The following MEF2C variants were observed in gnomAD, a reference collection of about 807,000 sequenced individuals.
The protein encoded by MEF2C is myocyte enhancer factor 2C.
MEF2C carries 6 observed loss-of-function variants against 50.5 expected under a neutral mutation model. The ratio of observed to expected loss-of-function variants is 0.12; its 90% CI spans 0.07 to 0.23. MEF2C has a LOEUF of 0.23. Among genes scored for constraint, MEF2C ranks in the 10% least tolerant of loss-of-function variants. MEF2C has a pLI of 1.00. For synonymous variants in MEF2C, 183 were observed against 228.0 expected, an observed-to-expected ratio of 0.80 and a Z score of 1.78; for missense variants, 276 against 605.0, an observed-to-expected ratio of 0.46 and a Z score of 5.70.
intron 6 of MEF2C, chr5:88,739,892 A>C: frequency 2.0e-6 from 2 of 985,374 alleles, no homozygotes; most frequent in Non-Finnish European, 2.4e-6. Flanking sequence ...ATCTTGCTAA[A>C]GACTCCTAAT....
chr5:88,816,161 C>A (rs936655652), intron 2 of MEF2C, among the ~76,000 whole-genome samples: 1 of 152,010 alleles, frequency 6.6e-6, no homozygotes, highest in South Asian at 2.1e-4. Flanking sequence ...GACAATTATT[C>A]TTTTCCTTAT....
chr5:88,855,350 C>A (rs1822905540), intron 1 of MEF2C, among the ~76,000 whole-genome samples: 1 of 152,038 alleles, frequency 6.6e-6, no homozygotes, highest in Admixed American at 6.5e-5. Context: ...TTGAATAGCA[C>A]AACATACAGT....
At chr5:88,733,570 G>GA in intron 6 of MEF2C, 1 of 985,352 alleles carries the variant, frequency 1.0e-6, no homozygotes, top group African/African-American at 1.7e-5. Context: ...GGAAGGCAGA[G>GA]CAAAGGTATA....
intron 1 of MEF2C, among the ~76,000 whole-genome samples, chr5:88,860,317 T>C (rs1825056702): frequency 6.6e-6 from 1 of 152,002 alleles, no homozygotes; most frequent in Non-Finnish European, 1.5e-5. Context: ...TGAAACTATT[T>C]GTATGCTTTT....
chr5:88,890,927 AGTATACTTT>A (rs1834471955), intron 1 of MEF2C, among the ~76,000 whole-genome samples: 1 of 152,246 alleles, frequency 6.6e-6, no homozygotes, highest in African/African-American at 2.4e-5. Context: ...AACAGGGTCC[AGTATACTTT>A]GTGCCAGACA....
intron 3 of MEF2C, among the ~76,000 whole-genome samples, chr5:88,800,723 C>T (rs185125556): frequency 9.9e-5 from 15 of 152,258 alleles, no homozygotes; most frequent in African/African-American, 3.1e-4. Flanking sequence ...GACAAGCTAG[C>T]GTTTTGGGTA....
intron 4 of MEF2C, among the ~76,000 whole-genome samples, chr5:88,758,573 G>T (rs1223850294): frequency 1.3e-5 from 2 of 152,172 alleles, no homozygotes; most frequent in African/African-American, 4.8e-5. Context: ...TGTTTTTAAA[G>T]AGGTGGAGAC....
chr5:88,781,664 G>T (rs991363534), intron 3 of MEF2C, among the ~76,000 whole-genome samples: 1 of 152,086 alleles, frequency 6.6e-6, no homozygotes, highest in African/African-American at 2.4e-5. Context: ...ACCTGTTTAG[G>T]TGATCATTAA....
intron 2 of MEF2C, 26 bp downstream of exon 2, chr5:88,823,709 A>G: frequency 6.4e-7 from 1 of 1,568,818 alleles, no homozygotes; most frequent in Non-Finnish European, 8.7e-7. Context: ...ATAAATAATG[A>G]TACAAAAAAA....
intron 1 of MEF2C, among the ~76,000 whole-genome samples, chr5:88,891,470 T>C (rs375837991): frequency 2.0e-5 from 3 of 147,068 alleles, no homozygotes; most frequent in East Asian, 4.0e-4. Flanking sequence ...CGATCTTGGC[T>C]CGGCTCACTG....
At chr5:88,852,798 C>A (rs1821865593) in intron 1 of MEF2C, among the ~76,000 whole-genome samples, 1 of 152,188 alleles carries the variant, frequency 6.6e-6, no homozygotes, top group South Asian at 2.1e-4. Flanking sequence ...ACTTGTAATC[C>A]CAGCTACTTG....
intron 1 of MEF2C, among the ~76,000 whole-genome samples, chr5:88,858,367 A>C (rs2153415082): frequency 6.6e-6 from 1 of 152,208 alleles, no homozygotes; most frequent in East Asian, 1.9e-4. Context: ...AAGAAGCAAG[A>C]CTCCATAGAG....
At chr5:88,903,608 A>ATG (rs1835885738) in intron 1 of MEF2C, among the ~76,000 whole-genome samples, 1 of 152,128 alleles carries the variant, frequency 6.6e-6, no homozygotes, top group African/African-American at 2.4e-5. Context: ...GGAGACTAAA[A>ATG]TGTGTGTTAA....
chr5:88,811,658 GAAATA>G (rs1201604640), intron 2 of MEF2C, among the ~76,000 whole-genome samples: 1 of 151,844 alleles, frequency 6.6e-6, no homozygotes, highest in Non-Finnish European at 1.5e-5. Context: ...CATATTTCAA[GAAATA>G]AAATAACTTT....
Position 88,777,899 on chromosome 5 carries a change from C to CTTT in MEF2C, c.259-16574_259-16572dup, listed in dbSNP as rs57841792. On this transcript the variant is annotated intron_variant, in intron 3 of 10. Coordinates refer to ENST00000504921, the MANE Select transcript of MEF2C (RefSeq NM_002397.5). ...AGAAAGGGTGCTAAATTTTTCTTTT[C>CTTT]TTTTTTTTTTTTTTTTTTTTTTTGA... 2.2e-3 allele frequency among the ~76,000 whole-genome samples: 168 copies of CTTT among 77,318 alleles called. 19 individuals are homozygous for CTTT. The highest frequency in any genetic ancestry group is 3.0e-3 in the Non-Finnish European group (132 of 44,118). The allele number at this position is 77,318 out of a possible 152,430, so 50.7% of individuals were successfully genotyped here.
chr5:88,871,751 A>C (rs1056136899), intron 1 of MEF2C, among the ~76,000 whole-genome samples: 1 of 152,102 alleles, frequency 6.6e-6, no homozygotes, highest in African/African-American at 2.4e-5. Context: ...CGTTATCAGA[A>C]GGTATAATCC....
chr5:88,772,609 G>C, intron 3 of MEF2C: 2 of 440,096 alleles, frequency 4.5e-6, no homozygotes, highest in Non-Finnish European at 6.0e-6. Flanking sequence ...AGCAGGCAGA[G>C]AGATTTTTCA....
At chr5:88,742,873 C>G (rs974230315) in intron 6 of MEF2C, 55 of 984,052 alleles carry the variant, frequency 5.6e-5, no homozygotes, top group Non-Finnish European at 6.5e-5. Context: ...CTGTAGCTAT[C>G]TAATTTGAGG....
intron 1 of MEF2C, among the ~76,000 whole-genome samples, chr5:88,873,070 C>G (rs1190662866): frequency 1.3e-5 from 2 of 151,862 alleles, no homozygotes; most frequent in Non-Finnish European, 2.9e-5. Flanking sequence ...CACACACACA[C>G]TCACACCGTT....
Sources: allele counts gnomAD v4.1 joint callset (sites outside exome capture counted in the v4.1 genomes callset), GRCh38; gene constraint gnomAD v4.1.1; transcripts MANE v1.5; gene names NCBI Gene and HGNC (gene_info 2026-07-23, HGNC 2026-07-21).